Variants in PTPRT observed in about 807,000 individuals in gnomAD.
PTPRT encodes protein tyrosine phosphatase receptor type T, also known as receptor-type tyrosine-protein phosphatase T.
In PTPRT, 56 loss-of-function variants were observed where a neutral mutation model predicts 176.8. That is an observed-to-expected ratio of 0.32 (90% CI 0.26 to 0.40). The LOEUF is 0.40. Among genes scored for constraint, PTPRT ranks in the 10% least tolerant of loss-of-function variants. PTPRT has a pLI of 1.00. For synonymous variants in PTPRT, 783 were observed against 739.0 expected (o/e 1.06, Z -0.96); for missense variants, 1,540 against 1,908.2 (o/e 0.81, Z 3.60).
chr20:42,984,412 G>C (rs979156091), intron 1 of PTPRT, among the ~76,000 whole-genome samples: 3 of 152,188 alleles, frequency 2.0e-5, no homozygotes, highest in Non-Finnish European at 4.4e-5. Context: ...CATTATTTCT[G>C]ACACAAATAC....
At chr20:42,455,758 A>G (rs968332541) in intron 8 of PTPRT, among the ~76,000 whole-genome samples, 3 of 151,922 alleles carry the variant, frequency 2.0e-5, no homozygotes, top group African/African-American at 7.2e-5. Flanking sequence ...GTATGGGTCT[A>G]CTTCTATGTT....
At chr20:42,837,440 G>A (rs151162259) in intron 2 of PTPRT, among the ~76,000 whole-genome samples, 21 of 152,276 alleles carry the variant, frequency 1.4e-4, no homozygotes, top group Non-Finnish European at 2.2e-4. Flanking sequence ...CACCTCTTGA[G>A]AGCTCATCTT....
At chr20:42,445,607 T>C (rs775419400) in intron 9 of PTPRT, among the ~76,000 whole-genome samples, 1 of 152,220 alleles carries the variant, frequency 6.6e-6, no homozygotes, top group African/African-American at 2.4e-5. Context: ...CTCAATAATT[T>C]TGGCATATTC....
At chr20:43,113,103 T>C (rs1027400856) in intron 1 of PTPRT, among the ~76,000 whole-genome samples, 1 of 151,936 alleles carries the variant, frequency 6.6e-6, no homozygotes, top group Non-Finnish European at 1.5e-5. Flanking sequence ...ATTCATGATA[T>C]AAACGTACCT....
At chr20:42,867,831 G>A (rs2078775490) in intron 2 of PTPRT, among the ~76,000 whole-genome samples, 1 of 151,854 alleles carries the variant, frequency 6.6e-6, no homozygotes, top group Non-Finnish European at 1.5e-5. Context: ...ACAGGTGCCT[G>A]CCACCATATC....
intron 4 of PTPRT, among the ~76,000 whole-genome samples, chr20:42,779,847 G>GT (rs1395040880): frequency 3.1e-5 from 3 of 96,988 alleles, no homozygotes; most frequent in Non-Finnish European, 8.5e-5. Context: ...TGGTGGTGGT[G>GT]TGTTTTTTTT....
intron 1 of PTPRT, among the ~76,000 whole-genome samples, chr20:42,996,004 T>G (rs1368073951): frequency 6.6e-6 from 1 of 152,098 alleles, no homozygotes; most frequent in African/African-American, 2.4e-5. Flanking sequence ...TTATTATTTT[T>G]TTTGTTTGTT....
intron 9 of PTPRT, among the ~76,000 whole-genome samples, chr20:42,379,685 G>A (rs1180164344): frequency 6.6e-6 from 1 of 152,246 alleles, no homozygotes; most frequent in East Asian, 1.9e-4. Flanking sequence ...ACTGGCCGAG[G>A]CTTGATGCCC....
intron 13 of PTPRT, 54 bp downstream of exon 13, chr20:42,282,435 A>G: frequency 1.3e-6 from 2 of 1,529,050 alleles, no homozygotes; most frequent in Non-Finnish European, 1.8e-6. Flanking sequence ...GCTAGAAAGA[A>G]ATACTTAAAT....
intron 1 of PTPRT, among the ~76,000 whole-genome samples, chr20:42,939,380 G>C (rs1299845423): frequency 1.3e-5 from 2 of 152,136 alleles, no homozygotes; most frequent in East Asian, 3.9e-4. Context: ...ACCAACACTG[G>C]CTCAGAAGTT....
chr20:42,315,658 C>T (rs2057710112), intron 12 of PTPRT, 65 bp downstream of exon 12: 7 of 1,553,234 alleles, frequency 4.5e-6, no homozygotes, highest in Non-Finnish European at 6.2e-6. Flanking sequence ...GCCCTGCTGA[C>T]TTATCATTTG....
At chr20:42,779,110 G>A (rs987994777) in intron 4 of PTPRT, among the ~76,000 whole-genome samples, 9 of 152,188 alleles carry the variant, frequency 5.9e-5, no homozygotes, top group African/African-American at 1.7e-4. Context: ...GTCAGACAAC[G>A]GCATTCTAGT....
rs1982535701 is a variant in PTPRT, at chr20:42,073,963, A to G, written c.*6916T>C. Reference sequence around the variant, plus strand: ...CAGCTTATCCTCTCTGGCAGACAGCAGGTTCTTCCTTACAGCTATTAAGTT... The same window carrying G: ...CAGCTTATCCTCTCTGGCAGACAGCGGGTTCTTCCTTACAGCTATTAAGTT... On this transcript the variant is annotated 3_prime_UTR_variant, in exon 31 of 31. Transcript: ENST00000373187. 1 of 230,520 alleles carries G rather than the reference A, an allele frequency of 4.3e-6. No homozygotes were observed. Among genetic ancestry groups the G allele is most frequent in the Non-Finnish European group, 8.6e-6 (1 of 116,276 alleles). The allele number at this position is 230,520 out of a possible 1,614,324, so 14.3% of individuals were successfully genotyped here.
intron 2 of PTPRT, among the ~76,000 whole-genome samples, chr20:42,831,508 T>C (rs990417448): frequency 6.6e-6 from 1 of 151,920 alleles, no homozygotes; most frequent in African/African-American, 2.4e-5. Context: ...GTGATTGCAA[T>C]AAAAGCAAAA....
chr20:42,299,330 A>T (rs907853772), intron 12 of PTPRT, among the ~76,000 whole-genome samples: 2 of 152,230 alleles, frequency 1.3e-5, no homozygotes, highest in African/African-American at 4.8e-5. Context: ...TTTCCAATAA[A>T]TACATAACCA....
intron 9 of PTPRT, among the ~76,000 whole-genome samples, chr20:42,399,661 T>G (rs947358614): frequency 1.3e-5 from 2 of 152,202 alleles, no homozygotes; most frequent in Non-Finnish European, 2.9e-5. Context: ...CAGGATATCC[T>G]GAGGGCTCAG....
At chr20:42,847,342 C>G (rs1387220583) in intron 2 of PTPRT, among the ~76,000 whole-genome samples, 2 of 152,100 alleles carry the variant, frequency 1.3e-5, no homozygotes, top group Non-Finnish European at 2.9e-5. Context: ...AGGGAAGGCC[C>G]AGGGAATAAG....
intron 7 of PTPRT, among the ~76,000 whole-genome samples, chr20:42,558,752 C>A (rs1406822575): frequency 6.6e-6 from 1 of 152,072 alleles, no homozygotes; most frequent in Non-Finnish European, 1.5e-5. Flanking sequence ...ACGAATATTG[C>A]ACTGATGTAA....
intron 1 of PTPRT, among the ~76,000 whole-genome samples, chr20:43,146,416 T>C (rs1414730208): frequency 6.6e-6 from 1 of 152,238 alleles, no homozygotes; most frequent in Non-Finnish European, 1.5e-5. Flanking sequence ...GGAGGCCATA[T>C]GTGAATGCAT....
Sources: allele counts gnomAD v4.1 joint callset (sites outside exome capture counted in the v4.1 genomes callset), GRCh38; gene constraint gnomAD v4.1.1; transcripts MANE v1.5; gene names NCBI Gene and HGNC (gene_info 2026-07-23, HGNC 2026-07-21).